IL1RAPL2: variants seen among roughly 807,000 people sequenced by gnomAD.
The protein encoded by IL1RAPL2 is X-linked interleukin-1 receptor accessory protein-like 2.
A neutral mutation model predicts 44.1 loss-of-function variants in IL1RAPL2; 3 were observed. That is an observed-to-expected ratio of 0.07 (90% CI 0.03 to 0.18). The LOEUF is 0.18. Ranked by LOEUF, IL1RAPL2 falls within the 10% of genes least tolerant of loss-of-function variation. IL1RAPL2 has a pLI of 1.00. For missense variants in IL1RAPL2, 391 were observed against 496.4 expected (o/e 0.79, Z 2.02); for synonymous variants, 181 against 178.8 (o/e 1.01, Z -0.10).
At chrX:104,642,359 C>T (rs771838535) in intron 1 of IL1RAPL2, among the ~76,000 whole-genome samples, 6 of 112,339 alleles carry the variant, frequency 5.3e-5, no homozygotes, top group Non-Finnish European at 1.1e-4. Context: ...TAATATTCCA[C>T]CATATGGGTA....
intron 5 of IL1RAPL2, among the ~76,000 whole-genome samples, chrX:105,280,355 G>A (rs1391059777): frequency 1.8e-5 from 2 of 111,530 alleles, no homozygotes; most frequent in African/African-American, 3.3e-5. Context: ...ATACCATTCA[G>A]GACATAGACA....
intron 5 of IL1RAPL2, among the ~76,000 whole-genome samples, chrX:105,338,858 T>C (rs1474310812): frequency 9.0e-6 from 1 of 111,683 alleles, no homozygotes; most frequent in Non-Finnish European, 1.9e-5. Context: ...TCAGCACTTT[T>C]GGAGGCTGAG....
chrX:105,309,073 C>T (rs1281788318), intron 5 of IL1RAPL2, among the ~76,000 whole-genome samples: 5 of 110,359 alleles, frequency 4.5e-5, no homozygotes, highest in East Asian at 2.9e-4. Context: ...TTGCCCTTGT[C>T]GCCCAGGCTG....
chrX:104,726,672 GCT>G (rs1301450412), intron 2 of IL1RAPL2, among the ~76,000 whole-genome samples: 1 of 110,839 alleles, frequency 9.0e-6, no homozygotes, highest in African/African-American at 3.3e-5. Context: ...TCATGATTTG[GCT>G]CTCTGTTTGT....
chrX:104,904,450 C>A (rs1161022567), intron 2 of IL1RAPL2, among the ~76,000 whole-genome samples: 1 of 65,936 alleles, frequency 1.5e-5, no homozygotes, highest in Admixed American at 2.2e-4. Flanking sequence ...TATCCCTCCC[C>A]CCTCCCCCCA....
At chrX:105,619,114 T>C (rs2037400636) in intron 6 of IL1RAPL2, among the ~76,000 whole-genome samples, 1 of 110,651 alleles carries the variant, frequency 9.0e-6, no homozygotes, top group Non-Finnish European at 1.9e-5. Flanking sequence ...ACATTTCATG[T>C]ATACATGAGA....
chrX:105,104,228 T>C (rs754662173), intron 2 of IL1RAPL2, among the ~76,000 whole-genome samples: 1 of 111,185 alleles, frequency 9.0e-6, no homozygotes, highest in East Asian at 2.8e-4. Context: ...TATAAGCGTT[T>C]TATCTCCACC....
At chrX:105,181,878 C>T (rs1556131099) in intron 2 of IL1RAPL2, among the ~76,000 whole-genome samples, 1 of 108,784 alleles carries the variant, frequency 9.2e-6, no homozygotes, top group Non-Finnish European at 1.9e-5. Flanking sequence ...TTCTGGCTAA[C>T]AAGGTGAAAC....
At chrX:105,086,436 G>T (rs767793847) in intron 2 of IL1RAPL2, among the ~76,000 whole-genome samples, 17 of 111,456 alleles carry the variant, frequency 1.5e-4, no homozygotes, top group Non-Finnish European at 3.2e-4. Context: ...TAAAACAGTT[G>T]ATCTCATAGA....
chrX:104,797,883 G>A (rs1351970655), intron 2 of IL1RAPL2, among the ~76,000 whole-genome samples: 3 of 112,142 alleles, frequency 2.7e-5, no homozygotes, highest in Admixed American at 9.5e-5. Flanking sequence ...CAATGAAAGC[G>A]GTCCACACTT....
At chrX:104,584,353 CTTT>C (rs1312460192) in intron 1 of IL1RAPL2, among the ~76,000 whole-genome samples, 6 of 110,772 alleles carry the variant, frequency 5.4e-5, no homozygotes, top group Non-Finnish European at 1.1e-4. Context: ...GGGTACTCTT[CTTT>C]ATCACATCTC....
chrX:104,736,699 T>C (rs1932019200), intron 2 of IL1RAPL2, among the ~76,000 whole-genome samples: 1 of 112,385 alleles, frequency 8.9e-6, no homozygotes, highest in Non-Finnish European at 1.9e-5. Context: ...TAACCTCTGC[T>C]GAAGAACAAG....
At chrX:105,030,442 C>G (rs1218191234) in intron 2 of IL1RAPL2, among the ~76,000 whole-genome samples, 1 of 111,848 alleles carries the variant, frequency 8.9e-6, no homozygotes. Context: ...AAGAAGGGAT[C>G]CAGTTTCAGC....
intron 2 of IL1RAPL2, among the ~76,000 whole-genome samples, chrX:104,916,619 G>C (rs879117281): frequency 9.0e-6 from 1 of 111,472 alleles, no homozygotes; most frequent in Non-Finnish European, 1.9e-5. Context: ...AATTGGAGTG[G>C]TGAGAGAGGG....
chrX:105,020,826 G>C (rs978982341), intron 2 of IL1RAPL2, among the ~76,000 whole-genome samples: 11 of 111,295 alleles, frequency 9.9e-5, no homozygotes, highest in South Asian at 3.8e-4. Flanking sequence ...GTGGACAGAG[G>C]ACTGAAAAAA....
At chrX:104,943,973 T>C (rs1925273269) in intron 2 of IL1RAPL2, among the ~76,000 whole-genome samples, 1 of 111,848 alleles carries the variant, frequency 8.9e-6, no homozygotes, top group African/African-American at 3.2e-5. Context: ...GTTTCTATTA[T>C]TTTTGGTGAC....
intron 6 of IL1RAPL2, among the ~76,000 whole-genome samples, chrX:105,587,980 A>G (rs2037141110): frequency 9.0e-6 from 1 of 111,630 alleles, no homozygotes; most frequent in African/African-American, 3.3e-5. Flanking sequence ...TTGAAGCTGC[A>G]TTGGGCCGTC....
chrX:105,435,916 C>G (rs916992507), intron 5 of IL1RAPL2, among the ~76,000 whole-genome samples: 13 of 111,025 alleles, frequency 1.2e-4, no homozygotes, highest in African/African-American at 4.3e-4. Context: ...GCAGAGAGAG[C>G]ATCAGGACAA....
intron 2 of IL1RAPL2, among the ~76,000 whole-genome samples, chrX:104,675,405 G>A (rs1256281601): frequency 3.6e-5 from 4 of 111,611 alleles, no homozygotes; most frequent in South Asian, 3.8e-4. Context: ...GTAGTTGAGC[G>A]GTTTTGATTG....
Sources: allele counts gnomAD v4.1 joint callset (sites outside exome capture counted in the v4.1 genomes callset), GRCh38; gene constraint gnomAD v4.1.1; transcripts MANE v1.5; gene names NCBI Gene and HGNC (gene_info 2026-07-23, HGNC 2026-07-21).